Variants in CENPW observed in about 807,000 individuals in gnomAD.
CENPW encodes the protein cancer-up-regulated gene 2 protein.
A neutral mutation model predicts 11.1 loss-of-function variants in CENPW; 3 were observed. The ratio of observed to expected loss-of-function variants is 0.27; its 90% CI spans 0.12 to 0.70. The LOEUF (loss-of-function observed/expected upper bound fraction) is 0.70, where lower values mean the gene tolerates loss of function less well. Among genes scored for constraint, CENPW ranks in the 30% least tolerant of loss-of-function variants. The pLI, the probability that CENPW is intolerant of heterozygous loss-of-function variation, is 0.77. For synonymous variants in CENPW, 38 were observed against 42.0 expected, an observed-to-expected ratio of 0.91 and a Z score of 0.37; for missense variants, 100 against 105.6, an observed-to-expected ratio of 0.95 and a Z score of 0.23.
At chr6:126,362,878 A>G in the CENPW span, among the ~76,000 whole-genome samples, 5 of 152,174 alleles carry the variant, frequency 3.3e-5, no homozygotes, top group Non-Finnish European at 5.9e-5. Flanking sequence ...AAAGCTACCC[A>G]TAAGAGAAAT....
the CENPW span, among the ~76,000 whole-genome samples, chr6:126,422,819 C>T: frequency 6.6e-6 from 1 of 152,176 alleles, no homozygotes; most frequent in African/African-American, 2.4e-5. Flanking sequence ...TCCATTGTTT[C>T]CTCCCCTTTT....
chr6:126,438,725 C>T, the CENPW span, among the ~76,000 whole-genome samples: 2 of 151,604 alleles, frequency 1.3e-5, no homozygotes, highest in African/African-American at 2.4e-5. Flanking sequence ...GCCCTGTAAA[C>T]TGATATTTTA....
At chr6:126,345,772 T>C (rs1780397007) in intron 1 of CENPW, among the ~76,000 whole-genome samples, 1 of 152,184 alleles carries the variant, frequency 6.6e-6, no homozygotes, top group African/African-American at 2.4e-5. Context: ...TAAATATATC[T>C]GTTTAAAAAT....
the CENPW span, among the ~76,000 whole-genome samples, chr6:126,382,488 A>G: frequency 6.6e-6 from 1 of 152,146 alleles, no homozygotes; most frequent in African/African-American, 2.4e-5. Flanking sequence ...ATAGATAGGA[A>G]CAAAGATCAT....
chr6:126,377,056 A>G, the CENPW span, among the ~76,000 whole-genome samples: 1 of 152,158 alleles, frequency 6.6e-6, no homozygotes, highest in Non-Finnish European at 1.5e-5. Flanking sequence ...GGGGTAAGGA[A>G]GAGAGCTATG....
chr6:126,367,060 G>A, the CENPW span, among the ~76,000 whole-genome samples: 1 of 152,008 alleles, frequency 6.6e-6, no homozygotes, highest in Non-Finnish European at 1.5e-5. Context: ...TGCATTTTGG[G>A]TGACACATTC....
At chr6:126,417,562 GTCT>G in the CENPW span, among the ~76,000 whole-genome samples, 1 of 152,140 alleles carries the variant, frequency 6.6e-6, no homozygotes, top group Non-Finnish European at 1.5e-5. Context: ...ATGGGTGTGG[GTCT>G]TTCCTGTGCT....
chr6:126,449,930 A>G, the CENPW span, among the ~76,000 whole-genome samples: 5 of 151,180 alleles, frequency 3.3e-5, no homozygotes, highest in South Asian at 4.1e-4. Flanking sequence ...ACAATTTCCT[A>G]TGTTTCAACT....
the CENPW span, among the ~76,000 whole-genome samples, chr6:126,374,045 C>G: frequency 1.4e-3 from 220 of 152,168 alleles, 4 homozygotes; most frequent in South Asian, 0.011. Flanking sequence ...TTAGCTAAGA[C>G]TTTTTTCCTG....
intron 1 of CENPW, among the ~76,000 whole-genome samples, chr6:126,343,470 A>G (rs966654630): frequency 3.9e-5 from 6 of 152,210 alleles, no homozygotes; most frequent in Non-Finnish European, 8.8e-5. Context: ...GTATTGACCC[A>G]CACAGTCACA....
chr6:126,481,222 A>G, the CENPW span, among the ~76,000 whole-genome samples: 3 of 151,996 alleles, frequency 2.0e-5, no homozygotes, highest in Admixed American at 6.6e-5. Flanking sequence ...TTCAGATTAC[A>G]TGGAATTTTG....
the CENPW span, among the ~76,000 whole-genome samples, chr6:126,451,153 G>T: frequency 6.6e-6 from 1 of 150,950 alleles, no homozygotes; most frequent in South Asian, 2.1e-4. Context: ...TTAAATATTA[G>T]AAATTTTTCT....
chr6:126,434,555 A>G, the CENPW span, among the ~76,000 whole-genome samples: 1 of 152,070 alleles, frequency 6.6e-6, no homozygotes, highest in African/African-American at 2.4e-5. Context: ...GCTTACCTCT[A>G]GAAATGAAAA....
At chr6:126,348,293 T>C (rs1780446162) in intron 2 of CENPW, among the ~76,000 whole-genome samples, 173 bp from the exon 3 acceptor site, 1 of 152,166 alleles carries the variant, frequency 6.6e-6, no homozygotes, top group South Asian at 2.1e-4. Flanking sequence ...AATCTAAGAC[T>C]ATAAGACAAA....
chr6:126,340,522 G>A lies in CENPW; in HGVS notation c.126+123G>A, dbSNP rs1780283180. 2.1e-6 allele frequency: 3 copies of A among 1,406,568 alleles called. No individual in the cohort carries two copies. The African/African-American group carries it at 4.3e-5, about 20-fold the overall frequency. The allele number at this position is 1,406,568 out of a possible 1,614,324, so 87.1% of individuals were successfully genotyped here. A position where few individuals can be genotyped will look rare whatever the true frequency, so the allele number is the denominator to read the frequency against. On this transcript the variant is annotated intron_variant, in intron 1 of 2. Transcript: ENST00000368328. ...CTCTTTCAGGCCCCTGTTTAAGGCA[G>A]TTCCAACAATGACAGGGAACGTATG...
chr6:126,477,664 AAAGTTTGAATT>A, the CENPW span, among the ~76,000 whole-genome samples: 2 of 152,034 alleles, frequency 1.3e-5, no homozygotes, highest in Non-Finnish European at 2.9e-5. Flanking sequence ...CCAAAGAGTA[AAAGTTTGAATT>A]ATGTGAAGAA....
the CENPW span, among the ~76,000 whole-genome samples, chr6:126,443,813 T>G: frequency 6.6e-6 from 1 of 151,164 alleles, no homozygotes; most frequent in Non-Finnish European, 1.5e-5. Context: ...CACTCTCCAG[T>G]CATTTTGGTG....
chr6:126,436,480 A>G, the CENPW span, among the ~76,000 whole-genome samples: 2 of 151,776 alleles, frequency 1.3e-5, no homozygotes, highest in Non-Finnish European at 1.5e-5. Context: ...ACTTATTAAT[A>G]TCATCCAGAT....
chr6:126,389,575 A>G, the CENPW span, among the ~76,000 whole-genome samples: 1 of 151,666 alleles, frequency 6.6e-6, no homozygotes, highest in Middle Eastern at 3.4e-3. Flanking sequence ...GTGCACATCC[A>G]GTTGTCTTCA....
Sources: gnomAD v4.1 joint callset for allele counts (sites outside exome capture counted in the v4.1 genomes callset) on GRCh38, gnomAD v4.1.1 for gene constraint, MANE v1.5 for transcripts, NCBI Gene and HGNC (gene_info 2026-07-23, HGNC 2026-07-21) for gene names.